RNF220: variants seen among roughly 807,000 people sequenced by gnomAD.
RNF220 encodes E3 ubiquitin-protein ligase RNF220.
In RNF220, 7 loss-of-function variants were observed where a neutral mutation model predicts 67.1. The observed-to-expected ratio is 0.10, with a 90% CI of 0.06 to 0.20. The LOEUF (loss-of-function observed/expected upper bound fraction) is 0.20. RNF220 is among the 10% of genes least tolerant of loss of function. The pLI is 1.00. For synonymous variants in RNF220, 270 were observed against 283.2 expected (o/e 0.95, Z 0.47); for missense variants, 565 against 740.3 (o/e 0.76, Z 2.75).
At chr1:44,445,302 C>G (rs984090151) in intron 2 of RNF220, among the ~76,000 whole-genome samples, 3 of 152,182 alleles carry the variant, frequency 2.0e-5, no homozygotes, top group Admixed American at 6.5e-5. Flanking sequence ...TAACTGATCT[C>G]TGTATCTCCA....
chr1:44,548,570 C>T (rs1662362468), intron 2 of RNF220, among the ~76,000 whole-genome samples: 1 of 152,076 alleles, frequency 6.6e-6, no homozygotes, highest in Admixed American at 6.5e-5. Context: ...TGCACCTCAC[C>T]ACAGCCTCGA....
rs540943064 is a variant in RNF220 at position 44,583,821 on chromosome 1, C to T, written c.626-30344C>T. Among the ~76,000 whole-genome samples, 12 of 152,350 alleles carry T rather than the reference C, an allele frequency of 7.9e-5. No individual in the cohort carries two copies. The South Asian group carries it at 2.3e-3, about 29-fold the overall frequency. ...TTCCAAATTGTATCTGACACAGGGC[C>T]TGGCACGCAGTCTAATTTCTCAGTA... On this transcript the variant is annotated intron_variant, in intron 2 of 14. Transcript: ENST00000361799.
At chr1:44,632,708 A>G (rs1278813390) in intron 6 of RNF220, 1 of 489,566 alleles carries the variant, frequency 2.0e-6, no homozygotes, top group African/African-American at 1.9e-5. Flanking sequence ...AACTGCTGGG[A>G]CCTCACTATA....
At chr1:44,434,756 C>A in intron 2 of RNF220, among the ~76,000 whole-genome samples, 1 of 149,862 alleles carries the variant, frequency 6.7e-6, no homozygotes. Context: ...GCGTGACTAA[C>A]AGATTGATGT....
At chr1:44,557,131 A>T (rs1459741612) in intron 2 of RNF220, among the ~76,000 whole-genome samples, 2 of 147,274 alleles carry the variant, frequency 1.4e-5, no homozygotes, top group African/African-American at 5.0e-5. Flanking sequence ...ATGTATATAT[A>T]TTTTATATAC....
At chr1:44,615,872 C>T (rs1169435389) in intron 3 of RNF220, among the ~76,000 whole-genome samples, 2 of 152,204 alleles carry the variant, frequency 1.3e-5, no homozygotes, top group African/African-American at 4.8e-5. Context: ...GTCATCAATT[C>T]AGGAACAGCT....
rs1647507893 is a variant in RNF220 at position 44,407,661 on chromosome 1, C to A, written c.-118+2131C>A. Among the ~76,000 whole-genome samples, 3 of 152,000 alleles carry A rather than the reference C, an allele frequency of 2.0e-5. No individual in the cohort carries two copies. In the East Asian group the frequency reaches 5.8e-4, roughly 29 times the overall value. Reference sequence around the variant, plus strand: ...CCTGTTCTGCGAGCCGCGCGGTGTGCGGCGGCCGGACGGCCGCGGTGCGGG... The same window carrying A: ...CCTGTTCTGCGAGCCGCGCGGTGTGAGGCGGCCGGACGGCCGCGGTGCGGG... On this transcript the variant is annotated intron_variant, in intron 1 of 14. Coordinates refer to ENST00000361799, the MANE Select transcript of RNF220 (RefSeq NM_018150.4).
At chr1:44,434,524 C>A (rs12049123) in intron 2 of RNF220, among the ~76,000 whole-genome samples, 5 of 151,826 alleles carry the variant, frequency 3.3e-5, no homozygotes, top group Non-Finnish European at 7.4e-5. Context: ...CTGGCTAACA[C>A]GGTGAAACCA....
intron 2 of RNF220, among the ~76,000 whole-genome samples, chr1:44,509,934 A>G (rs528211701): frequency 7.2e-4 from 108 of 150,956 alleles, no homozygotes; most frequent in African/African-American, 2.6e-3. Context: ...GAAAAGGAAA[A>G]GAAAGAAAAG....
chr1:44,521,193 G>A (rs961174729), intron 2 of RNF220, among the ~76,000 whole-genome samples: 1 of 152,156 alleles, frequency 6.6e-6, no homozygotes, highest in Admixed American at 6.5e-5. Context: ...CACCACCTAA[G>A]GTGAAATTTA....
At position 44,582,194 on chromosome 1, in the gene RNF220, A is replaced by G. The variant is rs1333535985; in HGVS notation, c.626-31971A>G. ...AACTAGAGCTGGAAACCAAGAAGCC[A>G]GTAAGCTTGGATGAGGGGAACGGGA... On this transcript the variant is annotated intron_variant, in intron 2 of 14. Coordinates refer to ENST00000361799, the MANE Select transcript of RNF220 (RefSeq NM_018150.4). Among the ~76,000 whole-genome samples, 4 of 152,252 alleles carry G rather than the reference A, an allele frequency of 2.6e-5. No individual in the cohort carries two copies. In the South Asian group the frequency reaches 6.2e-4, roughly 24 times the overall value.
intron 2 of RNF220, among the ~76,000 whole-genome samples, chr1:44,524,443 G>GC (rs962318048): frequency 2.0e-5 from 3 of 151,988 alleles, no homozygotes; most frequent in African/African-American, 7.3e-5. Context: ...TCAACTCCCA[G>GC]CCCCCACCTC....
At chr1:44,560,220 A>G (rs558506267) in intron 2 of RNF220, among the ~76,000 whole-genome samples, 1 of 152,254 alleles carries the variant, frequency 6.6e-6, no homozygotes, top group East Asian at 1.9e-4. Context: ...CTTCTTATTG[A>G]TAAGCTCTAG....
intron 2 of RNF220, among the ~76,000 whole-genome samples, chr1:44,451,884 G>T (rs1652724955): frequency 6.6e-6 from 1 of 152,218 alleles, no homozygotes. Flanking sequence ...CTCCCAAAGT[G>T]CTGGGATTAC....
Position 44,624,103 on chromosome 1 carries a change from C to G in RNF220, c.804+1316C>G, listed in dbSNP as rs533881159. On this transcript the variant is annotated intron_variant, in intron 4 of 14. Coordinates refer to ENST00000361799, the MANE Select transcript of RNF220 (RefSeq NM_018150.4). The surrounding 1 kb of genome is among the most constrained non-coding windows in gnomAD (Gnocchi z 4.2). ...GGAGGAGCAGAGCACCTAGCCCTGCCTTGGGTGGGTATAGGCCTTGGCCAA... is the reference window on the plus strand; with the variant it reads ...GGAGGAGCAGAGCACCTAGCCCTGCGTTGGGTGGGTATAGGCCTTGGCCAA... Among the ~76,000 whole-genome samples the G allele has an allele frequency of 7.2e-5, 11 of 152,334 alleles. No individual in the cohort carries two copies. The South Asian group carries it at 2.3e-3, about 32-fold the overall frequency.
At chr1:44,493,176 A>T (rs1657008673) in intron 2 of RNF220, among the ~76,000 whole-genome samples, 1 of 152,240 alleles carries the variant, frequency 6.6e-6, no homozygotes, top group Admixed American at 6.5e-5. Context: ...AATTATTTAA[A>T]TTGTTGTGTA....
At chr1:44,428,254 G>C (rs1016472833) in intron 2 of RNF220, among the ~76,000 whole-genome samples, 3 of 152,124 alleles carry the variant, frequency 2.0e-5, no homozygotes, top group African/African-American at 7.2e-5. Context: ...GACGAATCCT[G>C]TTCTATGCCT....
chr1:44,629,807 G>C (rs1172362832), intron 5 of RNF220, among the ~76,000 whole-genome samples: 1 of 152,256 alleles, frequency 6.6e-6, no homozygotes, highest in Admixed American at 6.5e-5. Context: ...AGGAACAGAA[G>C]TTCACTTGGC....
chr1:44,527,925 C>CAAAAAAAA lies in RNF220; in HGVS notation c.626-86221_626-86214dup, dbSNP rs56409207. 6.1e-3 allele frequency among the ~76,000 whole-genome samples: 345 copies of CAAAAAAAA among 56,158 alleles called. 98 individuals carry two copies. Among genetic ancestry groups the CAAAAAAAA allele is most frequent in the African/African-American group, 6.7e-3 (66 of 9,842 alleles). The allele number at this position is 56,158 out of a possible 152,430, so 36.8% of individuals were successfully genotyped here. ...TGGGTGACAGAGCAAGACTCCATCC[C>CAAAAAAAA]AAAAAAAAAAAAAAAAAAAAAAAAA... On this transcript the variant is annotated intron_variant, in intron 2 of 14. Transcript: ENST00000361799.
Sources: gnomAD v4.1 joint callset for allele counts (sites outside exome capture counted in the v4.1 genomes callset) on GRCh38, gnomAD v4.1.1 for gene constraint, Gnocchi (gnomAD v3.1) non-coding constraint, MANE v1.5 for transcripts, NCBI Gene and HGNC (gene_info 2026-07-23, HGNC 2026-07-21) for gene names.